ZNF267: variants seen among roughly 807,000 people sequenced by gnomAD.
The protein encoded by ZNF267 is zinc finger protein 267.
In ZNF267, 61 loss-of-function variants were observed where a neutral mutation model predicts 71.6. The observed-to-expected ratio is 0.85, with a 90% confidence interval of 0.69 to 1.05. The LOEUF (loss-of-function observed/expected upper bound fraction) is 1.05. Among genes scored for constraint, ZNF267 ranks in the 50% least tolerant of loss-of-function variants. The probability of loss-of-function intolerance (pLI) is 0.00; values close to 1 mark genes in which losing one functional copy is unlikely to be tolerated. For missense variants in ZNF267, 852 were observed against 870.0 expected (o/e 0.98, Z 0.26); for synonymous variants, 288 against 293.2 (o/e 0.98, Z 0.18).
chr16:31,910,360 G>T (rs1010403110), intron 3 of ZNF267, among the ~76,000 whole-genome samples: 1 of 151,522 alleles, frequency 6.6e-6, no homozygotes, highest in African/African-American at 2.4e-5. Context: ...AGAATTTAGT[G>T]GTGAAGCCAT....
chr16:31,897,363 G>A (rs1461578259), intron 3 of ZNF267, among the ~76,000 whole-genome samples: 1 of 152,046 alleles, frequency 6.6e-6, no homozygotes. Context: ...TTGGTGAGGA[G>A]ACTGTTCTTT....
At chr16:31,900,160 TAA>T (rs879312814) in intron 3 of ZNF267, among the ~76,000 whole-genome samples, 1 of 148,044 alleles carries the variant, frequency 6.8e-6, no homozygotes, top group Non-Finnish European at 1.5e-5. Flanking sequence ...TCAGGTAAAT[TAA>T]AAAAAAAAGA....
intron 1 of ZNF267, among the ~76,000 whole-genome samples, chr16:31,876,802 A>T (rs191088521): frequency 1.4e-4 from 22 of 152,308 alleles, no homozygotes; most frequent in Admixed American, 5.9e-4. Context: ...CTGAGCTCAG[A>T]GAGTGCAAAC....
rs1350001831 is a variant in ZNF267 at position 31,875,305 on chromosome 16, A to G, written c.3+1336A>G. The G allele has an allele frequency of 2.3e-6, 3 of 1,288,960 alleles. No homozygotes were observed. In the African/African-American group the frequency reaches 4.6e-5, roughly 20 times the overall value. 79.8% of individuals were successfully genotyped at this position (1,288,960 alleles called of 1,614,324 possible). On this transcript the variant is annotated intron_variant, in intron 1 of 3. Transcript: ENST00000300870. ...CTCCTGTTAGAGGACCGCCCAAGGT[A>G]TGGAAATGTAGTCCCTCAGGGGAGC...
chr16:31,914,737 A>C lies in ZNF267; in HGVS notation c.488A>C (p.Asp163Ala). ...TCTTGTGCCAAAAGCTATAACTTTG[A>C]TCAATATAGGAAGGTCTTTACTCAT... ...LSSCAKSYNF[D>A]QYRKVFTHSS... Residue 163 changes from aspartate to alanine, a missense_variant, in exon 4 of 4, where the codon GAT becomes GCT. Coordinates refer to ENST00000300870, the MANE Select transcript of ZNF267 (RefSeq NM_003414.6). The C allele has an allele frequency of 6.2e-7, 1 of 1,614,146 alleles. No homozygotes were observed. The highest frequency in any genetic ancestry group is 8.5e-7 in the Non-Finnish European group (1 of 1,180,008).
intron 3 of ZNF267, among the ~76,000 whole-genome samples, chr16:31,907,880 G>GA (rs879893124): frequency 0.035 from 4,967 of 141,546 alleles, 234 homozygotes; most frequent in African/African-American, 0.11. Flanking sequence ...ACTAAAAATT[G>GA]AAAAAAAAAA....
At chr16:31,881,423 C>G (rs976110369) in intron 1 of ZNF267, among the ~76,000 whole-genome samples, 2 of 152,176 alleles carry the variant, frequency 1.3e-5, no homozygotes, top group Non-Finnish European at 2.9e-5. Context: ...GTGGCCGCTG[C>G]TGCCATCTCT....
chr16:31,901,705 G>C (rs1293641682), intron 3 of ZNF267, among the ~76,000 whole-genome samples: 2 of 152,172 alleles, frequency 1.3e-5, no homozygotes, highest in Admixed American at 1.3e-4. Context: ...CCCTTTGTCA[G>C]ATGAGTAGGT....
chr16:31,889,596 C>G (rs1425982752), intron 3 of ZNF267, among the ~76,000 whole-genome samples: 1 of 152,164 alleles, frequency 6.6e-6, no homozygotes, highest in Non-Finnish European at 1.5e-5. Flanking sequence ...GTCTACAGTT[C>G]TGCAGTCTGT....
intron 1 of ZNF267, among the ~76,000 whole-genome samples, chr16:31,874,638 G>A (rs1273432316): frequency 6.6e-6 from 1 of 152,172 alleles, no homozygotes; most frequent in Non-Finnish European, 1.5e-5. Flanking sequence ...AAGCATTTGA[G>A]TTTGGTTTTG....
intron 3 of ZNF267, among the ~76,000 whole-genome samples, chr16:31,897,709 G>A (rs904021401): frequency 6.6e-6 from 1 of 152,032 alleles, no homozygotes; most frequent in African/African-American, 2.4e-5. Context: ...TAAGAATATT[G>A]AGTCTTCAAA....
intron 3 of ZNF267, among the ~76,000 whole-genome samples, chr16:31,895,851 T>G (rs1013827622): frequency 6.6e-6 from 1 of 152,230 alleles, no homozygotes. Context: ...TCTTAAAGCT[T>G]CTTATATGAT....
In ZNF267 at chr16:31,873,835, CTCCGAGTCT is replaced by C; in HGVS notation, c.-130_-122del. On this transcript the variant is annotated 5_prime_UTR_variant, in exon 1 of 4. Transcript: ENST00000300870. ...TAGAGCTCGGGTCTCCTCGCCACAG[CTCCGAGTCT>C]TTCGTTCTGGGAGGCCCAGGCGGCT... 1 of 1,304,018 alleles carries C rather than the reference CTCCGAGTCT, an allele frequency of 7.7e-7. No individual in the cohort carries two copies. Among genetic ancestry groups the C allele is most frequent in the Non-Finnish European group, 1.1e-6 (1 of 908,566 alleles). 80.8% of individuals were successfully genotyped at this position (1,304,018 alleles called of 1,614,324 possible).
intron 1 of ZNF267, among the ~76,000 whole-genome samples, chr16:31,880,870 G>A (rs1176734665): frequency 6.6e-6 from 1 of 152,208 alleles, no homozygotes. Context: ...AACAGATGCA[G>A]CAGCCATAGT....
chr16:31,913,557 C>G (rs1476244994), intron 3 of ZNF267: 1 of 152,264 alleles, frequency 6.6e-6, no homozygotes, highest in African/African-American at 2.4e-5. Flanking sequence ...CCTTTGGCCC[C>G]AGGTAGGTTC....
chr16:31,884,231 C>T lies in ZNF267; in HGVS notation c.4-267C>T, dbSNP rs193268044. ...GATTCTGGATGATGTAAATATAGCA[C>T]CCAAAAATGTATATTCCTGTGTTGA... is the stretch of plus-strand genomic sequence containing the variant. On this transcript the variant is annotated intron_variant, in intron 1 of 3. Coordinates refer to ENST00000300870, the MANE Select transcript of ZNF267 (RefSeq NM_003414.6). Among the ~76,000 whole-genome samples, 398 of 152,208 alleles carry T rather than the reference C, an allele frequency of 2.6e-3. 1 individual carries two copies. Among genetic ancestry groups the T allele is most frequent in the African/African-American group, 9.0e-3 (374 of 41,524 alleles).
Position 31,906,978 on chromosome 16 carries a change from T to C in ZNF267, c.227-7498T>C, listed in dbSNP as rs185067299. On this transcript the variant is annotated intron_variant, in intron 3 of 3. Transcript: ENST00000300870. ...TAAAGTATAGTTTGGGCAGATGTAG[T>C]GTTCATAGTAGGTAGTTGTTATTTT... Among the ~76,000 whole-genome samples, 4 of 152,232 alleles carry C rather than the reference T, an allele frequency of 2.6e-5. No homozygotes were observed. The East Asian group carries it at 7.7e-4, about 29-fold the overall frequency.
chr16:31,914,372 CTGT>C (rs1253903711), intron 3 of ZNF267, 101 bp from the exon 4 acceptor site: 28 of 1,063,376 alleles, frequency 2.6e-5, no homozygotes, highest in Admixed American at 3.1e-5. Flanking sequence ...TTTCACTCAA[CTGT>C]TGTTGTATTC....
intron 3 of ZNF267, among the ~76,000 whole-genome samples, chr16:31,910,652 G>T (rs1453052553): frequency 6.6e-6 from 1 of 150,860 alleles, no homozygotes; most frequent in Non-Finnish European, 1.5e-5. Context: ...TCAAGCTAAA[G>T]GTTTGTAAAT....
Sources: gnomAD v4.1 joint callset for allele counts (sites outside exome capture counted in the v4.1 genomes callset) on GRCh38, gnomAD v4.1.1 for gene constraint, MANE v1.5 for transcripts, NCBI Gene and HGNC (gene_info 2026-07-23, HGNC 2026-07-21) for gene names.